Variants in PTX3 observed in about 807,000 individuals in gnomAD.
The protein encoded by PTX3 is pentraxin 3.
In PTX3, 24 loss-of-function variants were observed where a neutral mutation model predicts 23.5. The observed-to-expected ratio is 1.02, with a 90% CI of 0.74 to 1.43. The LOEUF is 1.43. PTX3 is among the 40% of genes most tolerant of loss of function. The probability of loss-of-function intolerance (pLI) is 0.00; values close to 1 mark genes in which losing one functional copy is unlikely to be tolerated. For missense variants in PTX3, 510 were observed against 497.5 expected (o/e 1.02, Z -0.24); for synonymous variants, 218 against 205.4 (o/e 1.06, Z -0.53).
chr3:157,443,096 G>T lies in PTX3; in HGVS notation c.*117G>T, dbSNP rs969085596. The T allele has an allele frequency of 6.6e-6, 8 of 1,216,194 alleles. No homozygotes were observed. In the African/African-American group the frequency reaches 1.2e-4, roughly 19 times the overall value. The allele number at this position is 1,216,194 out of a possible 1,614,324, so 75.3% of individuals were successfully genotyped here. A position where few individuals can be genotyped will look rare whatever the true frequency, so the allele number is the denominator to read the frequency against. ...GAACACTTGAGACTAATGAAAGAGA[G>T]AGTTGAGACCAATCTTTATTTGTAC... On this transcript the variant is annotated 3_prime_UTR_variant, in exon 3 of 3. Transcript: ENST00000295927.
At chr3:157,441,038 A>G (rs1734079307) in intron 2 of PTX3, among the ~76,000 whole-genome samples, 1 of 152,214 alleles carries the variant, frequency 6.6e-6, no homozygotes, top group Non-Finnish European at 1.5e-5. Context: ...AGACTTGCAG[A>G]ATATTAGGAG....
At position 157,437,576 on chromosome 3, in the gene PTX3, A is replaced by G. The variant is rs768086222; in HGVS notation, c.194A>G (p.Asn65Ser). ...EWDKLFIMLE[N>S]SQMRERMLLQ... ...GACAAGCTCTTCATCATGCTGGAGA[A>G]CTCGCAGATGAGAGAGCGCATGCTG... is the stretch of plus-strand genomic sequence containing the variant. The change falls in exon 2 of 3, where the codon AAC (asparagine) becomes AGC (serine). Residue 65 changes from asparagine to serine, a missense_variant. Physicochemically the swap from Asn to Ser is conservative, Grantham distance 46 (BLOSUM62 1). Transcript: ENST00000295927. 1 of 1,596,472 alleles carries G rather than the reference A, an allele frequency of 6.3e-7. No homozygotes were observed. Among genetic ancestry groups the G allele is most frequent in the Non-Finnish European group, 8.5e-7 (1 of 1,173,218 alleles).
chr3:157,442,179 C>T (rs1734176546), intron 2 of PTX3, among the ~76,000 whole-genome samples, 187 bp from the exon 3 acceptor site: 1 of 151,996 alleles, frequency 6.6e-6, no homozygotes, highest in Middle Eastern at 3.4e-3. Context: ...AGACAATTGG[C>T]TTTCCTTTTT....
Position 157,437,408 on chromosome 3 carries a change from A to G in PTX3, c.131-105A>G. On this transcript the variant is annotated intron_variant, in intron 1 of 2. Coordinates refer to ENST00000295927, the MANE Select transcript of PTX3 (RefSeq NM_002852.4). ...TGTCCTTAAAGGGAAGGGGAATGCC[A>G]GGAACGGGCTGCAACTTGGCACCAC... 3 of 1,376,944 alleles carry G rather than the reference A, an allele frequency of 2.2e-6. No individual in the cohort carries two copies. In the South Asian group the frequency reaches 3.8e-5, roughly 17 times the overall value. 85.3% of individuals were successfully genotyped at this position (1,376,944 alleles called of 1,614,324 possible). A position where few individuals can be genotyped will look rare whatever the true frequency, so the allele number is the denominator to read the frequency against.
chr3:157,439,876 G>A (rs951085833), intron 2 of PTX3, among the ~76,000 whole-genome samples: 2 of 152,130 alleles, frequency 1.3e-5, no homozygotes, highest in Non-Finnish European at 2.9e-5. Flanking sequence ...TCAGCCTCCT[G>A]AGTAGCTGGG....
chr3:157,437,846 A>G lies in PTX3; in HGVS notation c.464A>G (p.Glu155Gly), dbSNP rs770594285. 1.3e-5 allele frequency: 19 copies of G among 1,496,620 alleles called. No homozygotes were observed. The highest frequency in any genetic ancestry group is 2.3e-5 in the Admixed American group (1 of 43,924). The allele number at this position is 1,496,620 out of a possible 1,614,324, so 92.7% of individuals were successfully genotyped here. A position where few individuals can be genotyped will look rare whatever the true frequency, so the allele number is the denominator to read the frequency against. ...AGRALAAVLE[E>G]LRQTRADLHA... ...CGCGCCCTGGCCGCGGTGCTAGAGGAGCTGCGGCAGACGCGAGCCGACCTG... is the reference window on the plus strand; with the variant it reads ...CGCGCCCTGGCCGCGGTGCTAGAGGGGCTGCGGCAGACGCGAGCCGACCTG... Residue 155 changes from glutamate to glycine, a missense_variant, in exon 2 of 3, where the codon GAG becomes GGG. Coordinates refer to ENST00000295927, the MANE Select transcript of PTX3 (RefSeq NM_002852.4).
chr3:157,439,313 T>G (rs1733926968), intron 2 of PTX3, among the ~76,000 whole-genome samples: 1 of 152,266 alleles, frequency 6.6e-6, no homozygotes, highest in Admixed American at 6.5e-5. Context: ...CATTTCTGAA[T>G]TCTAAGATGT....
At chr3:157,441,788 T>A (rs1734139762) in intron 2 of PTX3, among the ~76,000 whole-genome samples, 1 of 149,690 alleles carries the variant, frequency 6.7e-6, no homozygotes, top group Non-Finnish European at 1.5e-5. Context: ...CCAGCCTGGG[T>A]GACAGAGTGA....
rs936172440 is a variant in PTX3 at position 157,437,919 on chromosome 3, G to A, written c.532+5G>A. On this transcript the variant is annotated splice_donor_5th_base_variant and intron_variant, in intron 2 of 2. Transcript: ENST00000295927. ...CCCGGAGCTGGCTGCCGGCAGGTAA[G>A]GAGGCAAGCGGGGCCGGGACCTCCC... The A allele has an allele frequency of 1.4e-5, 21 of 1,528,246 alleles. No homozygotes were observed. Among genetic ancestry groups the A allele is most frequent in the Middle Eastern group, 4.6e-4 (2 of 4,328 alleles). 94.7% of individuals were successfully genotyped at this position (1,528,246 alleles called of 1,614,324 possible).
rs879192748 is a variant in PTX3, at chr3:157,442,582, G to T, written c.749G>T (p.Gly250Val). Residue 250 changes from glycine to valine, a missense_variant, in exon 3 of 3, where the codon GGT (glycine) becomes GTT (valine). Coordinates refer to ENST00000295927, the MANE Select transcript of PTX3 (RefSeq NM_002852.4). The part of the protein sequence containing the change: ...LSYQSIVFVV[G>V]GEENKLVAEA... ...TACCAATCCATAGTGTTTGTGGTGG[G>T]TGGAGAGGAGAACAAACTGGTTGCT... The T allele has an allele frequency of 9.3e-6, 15 of 1,614,110 alleles. No homozygotes were observed. Among genetic ancestry groups the T allele is most frequent in the Non-Finnish European group, 1.3e-5 (15 of 1,180,044 alleles).
chr3:157,437,822 G>T lies in PTX3; in HGVS notation c.440G>T (p.Arg147Leu). The change falls in exon 2 of 3, where the codon CGC becomes CTC. Residue 147 changes from arginine to leucine, a missense_variant. Arg to Leu is a moderately radical substitution (Grantham distance 102, BLOSUM62 -2). Coordinates refer to ENST00000295927, the MANE Select transcript of PTX3 (RefSeq NM_002852.4). Reference sequence around the variant, plus strand: ...GCGCAGCGCCCAGAGGAGGCGGGGCGCGCCCTGGCCGCGGTGCTAGAGGAG... The same window carrying T: ...GCGCAGCGCCCAGAGGAGGCGGGGCTCGCCCTGGCCGCGGTGCTAGAGGAG... ...AEAQRPEEAG[R>L]ALAAVLEELR... 5 of 1,465,126 alleles carry T rather than the reference G, an allele frequency of 3.4e-6. No individual in the cohort carries two copies. The South Asian group carries it at 5.4e-5, about 16-fold the overall frequency. 90.8% of individuals were successfully genotyped at this position (1,465,126 alleles called of 1,614,324 possible).
rs1734231157 is a variant in PTX3, at chr3:157,442,751, A to G, written c.918A>G (p.Gly306=). 2.5e-6 allele frequency: 4 copies of G among 1,614,210 alleles called. No individual in the cohort carries two copies. Among genetic ancestry groups the G allele is most frequent in the Admixed American group, 1.7e-5 (1 of 60,014 alleles). Residue 306 remains glycine (G), a synonymous_variant, in exon 3 of 3, where the codon GGA becomes GGG. Transcript: ENST00000295927. ...MATGHIVPEG[G]ILQIGQEKNG... ...CAGGTCACATTGTTCCTGAGGGAGGAATCCTGCAGATTGGCCAAGAAAAGA... is the reference window on the plus strand; with the variant it reads ...CAGGTCACATTGTTCCTGAGGGAGGGATCCTGCAGATTGGCCAAGAAAAGA...
In PTX3 at chr3:157,437,857, A is replaced by T; in HGVS notation, c.475A>T (p.Thr159Ser). The change falls in exon 2 of 3, where the codon ACG becomes TCG. Residue 159 changes from threonine (T) to serine (S), a missense_variant. By Grantham distance (58) the Thr-to-Ser change is moderately conservative. Coordinates refer to ENST00000295927, the MANE Select transcript of PTX3 (RefSeq NM_002852.4). Reference protein sequence around the residue: ...LAAVLEELRQTRADLHAVQGW... With the variant: ...LAAVLEELRQSRADLHAVQGW... ...CGCGGTGCTAGAGGAGCTGCGGCAG[A>T]CGCGAGCCGACCTGCACGCGGTGCA... 6.7e-7 allele frequency: 1 copy of T among 1,498,842 alleles called. No individual in the cohort carries two copies. Among genetic ancestry groups the T allele is most frequent in the South Asian group, 1.2e-5 (1 of 80,922 alleles). The allele number at this position is 1,498,842 out of a possible 1,614,324, so 92.8% of individuals were successfully genotyped here.
At position 157,442,280 on chromosome 3, in the gene PTX3, T is replaced by A. The variant is rs185181188; in HGVS notation, c.533-86T>A. 155 of 1,234,754 alleles carry A rather than the reference T, an allele frequency of 1.3e-4. No individual in the cohort carries two copies. The Admixed American group carries it at 2.6e-3, about 20-fold the overall frequency. 76.5% of individuals were successfully genotyped at this position (1,234,754 alleles called of 1,614,324 possible). ...TAGCTTTCAATTGTAATAATTAAAA[T>A]TCTTATGTTAAATAACTAATGCCAG... On this transcript the variant is annotated intron_variant, in intron 2 of 2. Transcript: ENST00000295927.
intron 2 of PTX3, 142 bp downstream of exon 2, chr3:157,438,056 CA>C: frequency 1.3e-6 from 1 of 749,710 alleles, no homozygotes; most frequent in Non-Finnish European, 2.1e-6. Flanking sequence ...CACACACACA[CA>C]CACACACACA....
intron 2 of PTX3, among the ~76,000 whole-genome samples, chr3:157,441,498 A>C (rs1201957050): frequency 6.6e-6 from 1 of 152,270 alleles, no homozygotes. Context: ...AATATCTGAG[A>C]ACATTTGGTG....
rs1734259088 is a variant in PTX3 at position 157,442,971 on chromosome 3, G to A, written c.1138G>A (p.Val380Ile). The A allele has an allele frequency of 1.9e-6, 3 of 1,595,748 alleles. No homozygotes were observed. The highest frequency in any genetic ancestry group is 2.6e-6 in the Non-Finnish European group (3 of 1,171,046). The change falls in exon 3 of 3, where the codon GTT (valine) becomes ATT (isoleucine). Residue 380 changes from valine to isoleucine, a missense_variant. By Grantham distance (29) the Val-to-Ile change is conservative. Transcript: ENST00000295927. Reference sequence around the variant, plus strand: ...CCAGCCACATGGAGGAGCTCAGTATGTTTCATAAATGTTGTGAAACTCCAC... The same window carrying A: ...CCAGCCACATGGAGGAGCTCAGTATATTTCATAAATGTTGTGAAACTCCAC... Reference protein sequence around the residue: ...EIQPHGGAQYVS With the variant: ...EIQPHGGAQYIS
intron 2 of PTX3, among the ~76,000 whole-genome samples, chr3:157,438,516 C>A (rs970733531): frequency 6.6e-6 from 1 of 152,104 alleles, no homozygotes; most frequent in African/African-American, 2.4e-5. Context: ...GTCCCCCAGC[C>A]CCCGGGGTTT....
At position 157,442,952 on chromosome 3, in the gene PTX3, A is replaced by G. The variant is rs1334053836; in HGVS notation, c.1119A>G (p.Pro373=). 1 of 1,612,264 alleles carries G rather than the reference A, an allele frequency of 6.2e-7. No individual in the cohort carries two copies. Among genetic ancestry groups the G allele is most frequent in the Non-Finnish European group, 8.5e-7 (1 of 1,178,856 alleles). The part of the protein sequence containing the change: ...IVGWGVTEIQ[P]HGGAQYVS ...GGTGGGGAGTCACAGAGATCCAGCC[A>G]CATGGAGGAGCTCAGTATGTTTCAT... Residue 373 remains proline, a synonymous_variant, in exon 3 of 3, where the codon CCA becomes CCG. Coordinates refer to ENST00000295927, the MANE Select transcript of PTX3 (RefSeq NM_002852.4).
Sources: gnomAD v4.1 joint callset for allele counts (sites outside exome capture counted in the v4.1 genomes callset) on GRCh38, gnomAD v4.1.1 for gene constraint, MANE v1.5 for transcripts, NCBI Gene and HGNC (gene_info 2026-07-23, HGNC 2026-07-21) for gene names.